Variants in KCNH1 observed in about 807,000 individuals in gnomAD.
The protein encoded by KCNH1 is potassium voltage-gated channel subfamily H member 1.
KCNH1 carries 27 observed loss-of-function variants against 69.2 expected under a neutral mutation model. That is an observed-to-expected ratio of 0.39 (90% CI 0.29 to 0.54). The LOEUF (loss-of-function observed/expected upper bound fraction) is 0.54. KCNH1 is among the 20% of genes least tolerant of loss of function. The pLI is 0.68. For synonymous variants in KCNH1, 456 were observed against 487.7 expected (o/e 0.93, Z 0.86); for missense variants, 798 against 1,261.6 (o/e 0.63, Z 5.57).
intron 1 of KCNH1, among the ~76,000 whole-genome samples, chr1:211,119,777 A>G (rs984817410): frequency 2.0e-5 from 3 of 152,212 alleles, no homozygotes; most frequent in African/African-American, 7.2e-5. Flanking sequence ...CTCTCAAGAG[A>G]TTCAATAGTT....
intron 6 of KCNH1, among the ~76,000 whole-genome samples, chr1:210,985,858 G>C (rs1045005870): frequency 6.6e-6 from 1 of 152,130 alleles, no homozygotes; most frequent in African/African-American, 2.4e-5. Flanking sequence ...CTGTCTCATT[G>C]ATCTGTCTAA....
chr1:210,828,448 G>A (rs1685083595), intron 7 of KCNH1, among the ~76,000 whole-genome samples: 2 of 152,122 alleles, frequency 1.3e-5, no homozygotes, highest in African/African-American at 4.8e-5. Context: ...GTAACATCTA[G>A]ACCTCAGAAC....
chr1:210,794,948 G>A (rs1412889068), intron 9 of KCNH1, among the ~76,000 whole-genome samples: 1 of 152,084 alleles, frequency 6.6e-6, no homozygotes, highest in African/African-American at 2.4e-5. Context: ...CTAAAGCAAT[G>A]GTTTTTGCCT....
chr1:210,842,125 C>T (rs1374486666), intron 7 of KCNH1, among the ~76,000 whole-genome samples: 1 of 152,166 alleles, frequency 6.6e-6, no homozygotes, highest in East Asian at 1.9e-4. Context: ...TCCCCACCAG[C>T]TCTGGATTTT....
chr1:210,981,611 A>G (rs78744920), intron 6 of KCNH1, among the ~76,000 whole-genome samples: 2,072 of 152,252 alleles, frequency 0.014, 42 homozygotes, highest in Non-Finnish European at 0.017. Context: ...AAGGAATGAC[A>G]TAATCTGAAA....
At chr1:211,053,811 T>C (rs1353217283) in intron 5 of KCNH1, among the ~76,000 whole-genome samples, 2 of 152,030 alleles carry the variant, frequency 1.3e-5, no homozygotes, top group African/African-American at 2.4e-5. Flanking sequence ...CAGTTGCAGA[T>C]AAGCTTACCA....
intron 7 of KCNH1, among the ~76,000 whole-genome samples, chr1:210,863,923 T>C (rs1357524894): frequency 6.6e-6 from 1 of 152,182 alleles, no homozygotes; most frequent in South Asian, 2.1e-4. Context: ...TTTTTGGAGC[T>C]CCCGATCATA....
At chr1:211,116,265 T>C (rs1484014914) in intron 1 of KCNH1, among the ~76,000 whole-genome samples, 1 of 152,180 alleles carries the variant, frequency 6.6e-6, no homozygotes, top group African/African-American at 2.4e-5. Context: ...ACTAAATATC[T>C]GGGCACGCCA....
chr1:210,944,767 TAAAA>T, intron 6 of KCNH1, among the ~76,000 whole-genome samples: 1 of 152,222 alleles, frequency 6.6e-6, no homozygotes, highest in Admixed American at 6.5e-5. Context: ...ATATATAATA[TAAAA>T]TGTATCATTT....
intron 10 of KCNH1, among the ~76,000 whole-genome samples, chr1:210,743,814 G>A (rs1683089638): frequency 6.6e-6 from 1 of 152,182 alleles, no homozygotes; most frequent in South Asian, 2.1e-4. Flanking sequence ...TGTTAGCAGA[G>A]CTGTCCCATA....
chr1:210,971,166 T>C (rs1688504738), intron 6 of KCNH1, among the ~76,000 whole-genome samples: 1 of 152,084 alleles, frequency 6.6e-6, no homozygotes. Context: ...TTTTCCAGGC[T>C]GGTCTCAAAC....
At chr1:210,938,398 A>G (rs77778144) in intron 6 of KCNH1, among the ~76,000 whole-genome samples, 1 of 152,370 alleles carries the variant, frequency 6.6e-6, no homozygotes, top group East Asian at 1.9e-4. Flanking sequence ...GCTCTTTTGA[A>G]TATTGTGCCA....
chr1:210,775,227 TC>T, intron 10 of KCNH1, 120 bp downstream of exon 10: 1 of 787,338 alleles, frequency 1.3e-6, no homozygotes, highest in Non-Finnish European at 2.0e-6. Flanking sequence ...AACAAACAGA[TC>T]CTCTTTAGAA....
At chr1:210,963,166 C>G (rs1047698319) in intron 6 of KCNH1, among the ~76,000 whole-genome samples, 2 of 150,604 alleles carry the variant, frequency 1.3e-5, no homozygotes, top group South Asian at 2.1e-4. Flanking sequence ...TTTTTGGTAA[C>G]TGCCTTAAGA....
At chr1:210,703,045 A>T (rs1681821394) in intron 10 of KCNH1, among the ~76,000 whole-genome samples, 1 of 152,090 alleles carries the variant, frequency 6.6e-6, no homozygotes, top group Non-Finnish European at 1.5e-5. Flanking sequence ...CATTTAACAC[A>T]ATTTTATTAT....
At chr1:210,849,018 T>C (rs1012741047) in intron 7 of KCNH1, among the ~76,000 whole-genome samples, 2 of 152,186 alleles carry the variant, frequency 1.3e-5, no homozygotes, top group Non-Finnish European at 2.9e-5. Flanking sequence ...AAAGATTAAG[T>C]AGTACACTAA....
At chr1:210,863,407 AG>A (rs1452975411) in intron 7 of KCNH1, among the ~76,000 whole-genome samples, 2 of 152,268 alleles carry the variant, frequency 1.3e-5, no homozygotes. Flanking sequence ...CAAGATTACT[AG>A]CAGGCTGCAA....
At chr1:210,791,696 A>C (rs1184459969) in intron 9 of KCNH1, among the ~76,000 whole-genome samples, 1 of 152,182 alleles carries the variant, frequency 6.6e-6, no homozygotes, top group Non-Finnish European at 1.5e-5. Context: ...CTAGCCATGC[A>C]TTTGTCTCAC....
At position 210,984,588 on chromosome 1, in the gene KCNH1, G is replaced by A. The variant is rs549355301; in HGVS notation, c.1032+34195C>T. Reference sequence around the variant, plus strand: ...TGCTGGATTACGTTTTTTGATTTTCGTATGTTGAACCAGCCTTGCATCCCA... The same window carrying A: ...TGCTGGATTACGTTTTTTGATTTTCATATGTTGAACCAGCCTTGCATCCCA... On this transcript the variant is annotated intron_variant, in intron 6 of 10. Transcript: ENST00000271751. Among the ~76,000 whole-genome samples the A allele has an allele frequency of 5.3e-4, 80 of 152,198 alleles. 1 individual carries two copies. Among genetic ancestry groups the A allele is most frequent in the African/African-American group, 1.5e-3 (64 of 41,526 alleles).
Sources: allele counts gnomAD v4.1 joint callset (sites outside exome capture counted in the v4.1 genomes callset), GRCh38; gene constraint gnomAD v4.1.1; transcripts MANE v1.5; gene names NCBI Gene and HGNC (gene_info 2026-07-23, HGNC 2026-07-21).